Variants in PTPRN2 observed in about 807,000 individuals in gnomAD.
PTPRN2 encodes the protein receptor-type tyrosine-protein phosphatase N2.
In PTPRN2, 74 loss-of-function variants were observed where a neutral mutation model predicts 118.8. The observed-to-expected ratio is 0.62, with a 90% CI of 0.52 to 0.76. The LOEUF (loss-of-function observed/expected upper bound fraction) is 0.76, where lower values mean the gene tolerates loss of function less well. PTPRN2 is among the 30% of genes least tolerant of loss of function. The pLI is 0.00. For missense variants in PTPRN2, 1,481 were observed against 1,394.4 expected (o/e 1.06, Z -0.99); for synonymous variants, 641 against 608.0 (o/e 1.05, Z -0.80).
chr7:158,012,610 G>A (rs1371840443), intron 11 of PTPRN2, among the ~76,000 whole-genome samples: 1 of 152,176 alleles, frequency 6.6e-6, no homozygotes, highest in Non-Finnish European at 1.5e-5. Context: ...TGGTACATTT[G>A]TTTCTCATAT....
chr7:157,559,132 C>T (rs1799051612), intron 21 of PTPRN2, among the ~76,000 whole-genome samples: 2 of 152,226 alleles, frequency 1.3e-5, no homozygotes, highest in Admixed American at 6.5e-5. Context: ...AGCGTGTGAC[C>T]CCCTGCAGCA....
At chr7:158,154,107 G>T (rs1005622785) in intron 6 of PTPRN2, among the ~76,000 whole-genome samples, 2 of 152,202 alleles carry the variant, frequency 1.3e-5, no homozygotes, top group South Asian at 4.1e-4. Context: ...GCCAGTGCAG[G>T]TGGGATGAGA....
intron 3 of PTPRN2, among the ~76,000 whole-genome samples, chr7:158,274,916 T>G (rs559390443): frequency 6.6e-6 from 1 of 152,302 alleles, no homozygotes; most frequent in African/African-American, 2.4e-5. Flanking sequence ...GGATAAGATC[T>G]CGACAAAGAC....
At chr7:158,251,171 T>G (rs4909150) in intron 3 of PTPRN2, among the ~76,000 whole-genome samples, 1 of 151,754 alleles carries the variant, frequency 6.6e-6, no homozygotes, top group Admixed American at 6.6e-5. Context: ...GGTAATAATG[T>G]GCTCATCTTC....
chr7:158,091,089 G>A (rs1176281786), intron 10 of PTPRN2, among the ~76,000 whole-genome samples: 4 of 152,196 alleles, frequency 2.6e-5, no homozygotes, highest in Non-Finnish European at 4.4e-5. Flanking sequence ...TAGTCTGGGG[G>A]TTGTTATTTC....
chr7:158,418,715 G>A (rs1814999918), intron 2 of PTPRN2, among the ~76,000 whole-genome samples: 1 of 151,748 alleles, frequency 6.6e-6, no homozygotes, highest in Non-Finnish European at 1.5e-5. Context: ...AGCTCTCAGT[G>A]TCCCACTGTG....
chr7:158,276,604 CTTCT>C (rs1799023176), intron 3 of PTPRN2, among the ~76,000 whole-genome samples: 1 of 147,016 alleles, frequency 6.8e-6, no homozygotes, highest in Non-Finnish European at 1.5e-5. Context: ...TGGTAGCTTC[CTTCT>C]TTATTAACTT....
chr7:158,081,572 G>GT (rs991445633), intron 10 of PTPRN2, among the ~76,000 whole-genome samples, 195 bp from the exon 11 acceptor site: 6 of 152,072 alleles, frequency 3.9e-5, no homozygotes, highest in African/African-American at 1.4e-4. Context: ...CAGGAATTCC[G>GT]TTTTTGGGCT....
chr7:157,948,319 G>A (rs1377761173), intron 11 of PTPRN2, among the ~76,000 whole-genome samples: 1 of 152,202 alleles, frequency 6.6e-6, no homozygotes, highest in Non-Finnish European at 1.5e-5. Flanking sequence ...AGCTGGGAAG[G>A]AAGCTATTCA....
chr7:157,837,593 C>T (rs1808063558), intron 12 of PTPRN2, among the ~76,000 whole-genome samples: 1 of 152,066 alleles, frequency 6.6e-6, no homozygotes, highest in South Asian at 2.1e-4. Flanking sequence ...ACAGCCTCTG[C>T]TGGGTCATGC....
chr7:157,996,694 C>T (rs142185831), intron 11 of PTPRN2, among the ~76,000 whole-genome samples: 15 of 152,272 alleles, frequency 9.9e-5, no homozygotes, highest in East Asian at 3.9e-4. Flanking sequence ...TAGCTTTCTT[C>T]GTCTCTAGCT....
intron 2 of PTPRN2, among the ~76,000 whole-genome samples, chr7:158,379,172 G>A (rs1158685141): frequency 6.6e-6 from 1 of 152,174 alleles, no homozygotes; most frequent in Non-Finnish European, 1.5e-5. Context: ...CTAGAGCAGA[G>A]AACAGCAAGG....
intron 11 of PTPRN2, among the ~76,000 whole-genome samples, chr7:158,051,397 A>G (rs549564832): frequency 3.5e-4 from 53 of 152,318 alleles, no homozygotes; most frequent in South Asian, 6.2e-4. Context: ...CAAGACTCCC[A>G]AGGAGCTGCT....
chr7:158,262,083 G>A (rs531636650), intron 3 of PTPRN2, among the ~76,000 whole-genome samples: 15 of 152,284 alleles, frequency 9.9e-5, no homozygotes, highest in East Asian at 9.7e-4. Flanking sequence ...AGAGCACGAA[G>A]AGCTCCTACG....
intron 12 of PTPRN2, among the ~76,000 whole-genome samples, chr7:157,767,922 G>A (rs912023324): frequency 6.6e-6 from 1 of 152,162 alleles, no homozygotes; most frequent in Non-Finnish European, 1.5e-5. Flanking sequence ...AAGAAAGCCC[G>A]CTTGAGGGAC....
chr7:158,210,760 G>C (rs1345104243), intron 3 of PTPRN2, among the ~76,000 whole-genome samples: 1 of 152,106 alleles, frequency 6.6e-6, no homozygotes, highest in Non-Finnish European at 1.5e-5. Context: ...TACCAGGACT[G>C]AACCATGAAG....
At chr7:158,083,350 C>G in intron 10 of PTPRN2, among the ~76,000 whole-genome samples, 1 of 152,144 alleles carries the variant, frequency 6.6e-6, no homozygotes, top group East Asian at 1.9e-4. Flanking sequence ...CACTCATGTA[C>G]CCCCGAAACA....
chr7:157,703,724 C>T (rs1032765639), intron 12 of PTPRN2, among the ~76,000 whole-genome samples: 13 of 152,086 alleles, frequency 8.5e-5, no homozygotes, highest in African/African-American at 1.7e-4. Context: ...CACCTCAGCA[C>T]GCTCCCCTCA....
intron 2 of PTPRN2, among the ~76,000 whole-genome samples, chr7:158,475,038 G>C (rs149109149): frequency 6.6e-6 from 1 of 152,134 alleles, no homozygotes; most frequent in African/African-American, 2.4e-5. Context: ...TGCTGGCGAG[G>C]GAGGAAGGTG....
Sources: gnomAD v4.1 joint callset for allele counts (sites outside exome capture counted in the v4.1 genomes callset) on GRCh38, gnomAD v4.1.1 for gene constraint, MANE v1.5 for transcripts, NCBI Gene and HGNC (gene_info 2026-07-23, HGNC 2026-07-21) for gene names.